The following SMOC2 variants were observed in gnomAD, a reference collection of about 807,000 sequenced individuals.
The protein encoded by SMOC2 is SPARC related modular calcium binding 2, also known as SPARC-related modular calcium-binding protein 2.
In SMOC2, 39 loss-of-function variants were observed where a neutral mutation model predicts 61.4. That is an observed-to-expected ratio of 0.64 (90% confidence interval 0.49 to 0.83). The LOEUF (loss-of-function observed/expected upper bound fraction) is 0.83, where lower values mean the gene tolerates loss of function less well. Ranked by LOEUF, SMOC2 falls within the 40% of genes least tolerant of loss-of-function variation. The pLI is 0.00. For synonymous variants in SMOC2, 247 were observed against 239.9 expected, an observed-to-expected ratio of 1.03 and a Z score of -0.27; for missense variants, 556 against 592.9, an observed-to-expected ratio of 0.94 and a Z score of 0.65.
At chr6:168,503,065 CTTTTTTTTTTT>C (rs762736911) in intron 1 of SMOC2, among the ~76,000 whole-genome samples, 10 of 47,828 alleles carry the variant, frequency 2.1e-4, no homozygotes, top group East Asian at 1.8e-3. Flanking sequence ...CGTGCCTGGC[CTTTTTTTTTTT>C]TTTTTTTTTT....
intron 7 of SMOC2, among the ~76,000 whole-genome samples, chr6:168,569,726 G>A (rs1340717117): frequency 6.6e-6 from 1 of 152,208 alleles, no homozygotes; most frequent in Non-Finnish European, 1.5e-5. Flanking sequence ...TTACAGGTAC[G>A]AGCCACCATG....
chr6:168,590,420 G>A (rs898121509), intron 7 of SMOC2, among the ~76,000 whole-genome samples: 17 of 141,790 alleles, frequency 1.2e-4, no homozygotes, highest in African/African-American at 3.9e-4. Flanking sequence ...GGGGGCAGCC[G>A]GCCTGGTGGT....
intron 1 of SMOC2, among the ~76,000 whole-genome samples, chr6:168,509,213 C>T (rs1041267033): frequency 7.2e-5 from 11 of 152,166 alleles, no homozygotes; most frequent in Non-Finnish European, 1.0e-4. Context: ...CTGGGGCCAC[C>T]GTGGGAACTG....
chr6:168,445,248 G>A (rs1046611477), intron 1 of SMOC2, among the ~76,000 whole-genome samples: 4 of 152,074 alleles, frequency 2.6e-5, no homozygotes, highest in Non-Finnish European at 5.9e-5. Flanking sequence ...CCACACTGCC[G>A]TTTCACCTCT....
intron 4 of SMOC2, among the ~76,000 whole-genome samples, chr6:168,537,354 A>G (rs1238236033): frequency 6.6e-6 from 1 of 151,768 alleles, no homozygotes; most frequent in Admixed American, 6.5e-5. Context: ...CTGTGAGAAG[A>G]CTTGCTTAAC....
intron 1 of SMOC2, among the ~76,000 whole-genome samples, chr6:168,459,823 G>T (rs1168251703): frequency 2.0e-5 from 3 of 147,136 alleles, no homozygotes. Flanking sequence ...GTGAGCCCTG[G>T]GGTGGGTGAG....
At chr6:168,581,745 A>G (rs1784923906) in intron 7 of SMOC2, among the ~76,000 whole-genome samples, 1 of 152,154 alleles carries the variant, frequency 6.6e-6, no homozygotes, top group Non-Finnish European at 1.5e-5. Context: ...GAATGATTCC[A>G]CTGAAAAGCC....
At chr6:168,570,256 A>G (rs74893138) in intron 7 of SMOC2, among the ~76,000 whole-genome samples, 3,072 of 152,238 alleles carry the variant, frequency 0.02, 72 homozygotes, top group African/African-American at 0.056. Flanking sequence ...AAAAACGTCA[A>G]AGAAGTCAGG....
chr6:168,616,935 G>A (rs560054551), intron 9 of SMOC2, among the ~76,000 whole-genome samples: 4 of 152,196 alleles, frequency 2.6e-5, no homozygotes, highest in South Asian at 2.1e-4. Context: ...GGGAGCCCAC[G>A]CAGGTGCAGG....
intron 2 of SMOC2, among the ~76,000 whole-genome samples, chr6:168,523,498 C>T (rs941049234): frequency 5.9e-5 from 9 of 151,834 alleles, no homozygotes; most frequent in African/African-American, 1.9e-4. Context: ...AGTGATTCTC[C>T]TTCCTCAGCC....
Position 168,475,994 on chromosome 6 carries a change from C to T in SMOC2, c.85-33921C>T, listed in dbSNP as rs574389682. On this transcript the variant is annotated intron_variant, in intron 1 of 12. Transcript: ENST00000356284. The surrounding 1 kb of genome is among the most constrained non-coding windows in gnomAD (Gnocchi z 4.6). ...CTTGGGACCTTCCCACACGTGGTCT[C>T]CCAGAACCATTCCGGTCTCACAGGT... Among the ~76,000 whole-genome samples, 1 of 152,188 alleles carries T rather than the reference C, an allele frequency of 6.6e-6. No individual in the cohort carries two copies. Among genetic ancestry groups the T allele is most frequent in the Non-Finnish European group, 1.5e-5 (1 of 67,990 alleles).
intron 11 of SMOC2, among the ~76,000 whole-genome samples, chr6:168,656,236 C>A (rs1254828317): frequency 2.0e-5 from 3 of 152,124 alleles, no homozygotes; most frequent in Non-Finnish European, 4.4e-5. Flanking sequence ...CCTGGCAAGT[C>A]ACGGTGGCTC....
At chr6:168,630,778 GC>G (rs1462439786) in intron 9 of SMOC2, among the ~76,000 whole-genome samples, 1 of 152,102 alleles carries the variant, frequency 6.6e-6, no homozygotes, top group African/African-American at 2.4e-5. Flanking sequence ...CTCTGAACTG[GC>G]CCCCCTGGGC....
chr6:168,521,631 G>A (rs1459329830), intron 2 of SMOC2, among the ~76,000 whole-genome samples: 5 of 152,196 alleles, frequency 3.3e-5, no homozygotes, highest in African/African-American at 7.2e-5. Flanking sequence ...GCTCATGCCT[G>A]TAATCCCAGC....
Position 168,441,468 on chromosome 6 carries a change from C to T in SMOC2, c.84+14C>T. 1 of 1,490,318 alleles carries T rather than the reference C, an allele frequency of 6.7e-7. No homozygotes were observed. The highest frequency in any genetic ancestry group is 8.9e-7 in the Non-Finnish European group (1 of 1,123,986). 92.3% of individuals were successfully genotyped at this position (1,490,318 alleles called of 1,614,324 possible). On this transcript the variant is annotated intron_variant, in intron 1 of 12. Transcript: ENST00000356284. ...TCGGCGCTCACGGTAAGCCCGGGCC[C>T]GCGGGACCTGGAGCTCAAGTGGTGC... is the stretch of plus-strand genomic sequence containing the variant.
rs1166329527 is a variant in SMOC2 at position 168,645,545 on chromosome 6, C to T, written c.908-5136C>T. ...ACAGGCTTTGAGAATGCTCAGTTCCCGCCTTAAAATTCTGACCAAATCTTC... is the reference window on the plus strand; with the variant it reads ...ACAGGCTTTGAGAATGCTCAGTTCCTGCCTTAAAATTCTGACCAAATCTTC... On this transcript the variant is annotated intron_variant, in intron 9 of 12. Transcript: ENST00000356284. Among the ~76,000 whole-genome samples, 3 of 152,158 alleles carry T rather than the reference C, an allele frequency of 2.0e-5. 1 individual carries two copies. The highest frequency in any genetic ancestry group is 2.0e-4 in the Admixed American group (3 of 15,272).
rs754312110 is a variant in SMOC2, at chr6:168,608,222, A to G, written c.890A>G (p.Lys297Arg). 8.9e-5 allele frequency: 144 copies of G among 1,612,634 alleles called. No homozygotes were observed. Among genetic ancestry groups the G allele is most frequent in the Non-Finnish European group, 1.2e-4 (136 of 1,179,568 alleles). The change falls in exon 9 of 13, where the codon AAG becomes AGG. Residue 297 changes from lysine to arginine, a missense_variant. Transcript: ENST00000356284. ...AHPAKARDLY[K>R]GRQLQGCPGA... ...CCAGCCAAAGCCCGGGACCTGTACAAGGGCCGCCAGCTACAAGGTGAGCAG... is the reference window on the plus strand; with the variant it reads ...CCAGCCAAAGCCCGGGACCTGTACAGGGGCCGCCAGCTACAAGGTGAGCAG...
intron 1 of SMOC2, among the ~76,000 whole-genome samples, chr6:168,477,818 A>G (rs1462162207): frequency 6.6e-6 from 1 of 152,182 alleles, no homozygotes; most frequent in African/African-American, 2.4e-5. Flanking sequence ...ATGAAAGCCA[A>G]AAATACACAA....
intron 1 of SMOC2, among the ~76,000 whole-genome samples, chr6:168,508,354 C>A (rs1246876450): frequency 6.6e-6 from 1 of 152,134 alleles, no homozygotes; most frequent in Non-Finnish European, 1.5e-5. Flanking sequence ...GCAGAGCAGC[C>A]CTTTTTAAAA....
Sources: gnomAD v4.1 joint callset for allele counts (sites outside exome capture counted in the v4.1 genomes callset) on GRCh38, gnomAD v4.1.1 for gene constraint, Gnocchi (gnomAD v3.1) non-coding constraint, MANE v1.5 for transcripts, NCBI Gene and HGNC (gene_info 2026-07-23, HGNC 2026-07-21) for gene names.